Variants in CPPED1 observed in about 807,000 individuals in gnomAD.
The protein encoded by CPPED1 is calcineurin like phosphoesterase domain containing 1.
CPPED1 carries 28 observed loss-of-function variants against 28.0 expected under a neutral mutation model. That is an observed-to-expected ratio of 1.00 (90% CI 0.74 to 1.37). The LOEUF (loss-of-function observed/expected upper bound fraction) is 1.37, where lower values mean the gene tolerates loss of function less well. Ranked by LOEUF, CPPED1 falls within the 40% of genes most tolerant of loss-of-function variation. The pLI is 0.00. For synonymous variants in CPPED1, 198 were observed against 180.2 expected, an observed-to-expected ratio of 1.10 and a Z score of -0.79; for missense variants, 504 against 416.5, an observed-to-expected ratio of 1.21 and a Z score of -1.83.
At chr16:12,762,258 G>A (rs997270427) in intron 2 of CPPED1, among the ~76,000 whole-genome samples, 1 of 152,138 alleles carries the variant, frequency 6.6e-6, no homozygotes, top group African/African-American at 2.4e-5. Flanking sequence ...CGGGGGAAGA[G>A]GGTAACGCCA....
chr16:12,717,481 G>T (rs1298108374), intron 2 of CPPED1, among the ~76,000 whole-genome samples: 1 of 152,134 alleles, frequency 6.6e-6, no homozygotes, highest in South Asian at 2.1e-4. Context: ...AGCCAGGATG[G>T]TCTCAATCTC....
intron 1 of CPPED1, among the ~76,000 whole-genome samples, chr16:12,791,341 T>C (rs890408086): frequency 2.0e-5 from 3 of 152,150 alleles, no homozygotes; most frequent in Admixed American, 2.0e-4. Flanking sequence ...CTGTGTTAGT[T>C]TGCTGAGAAT....
chr16:12,696,323 G>C (rs1352268957), intron 3 of CPPED1, among the ~76,000 whole-genome samples: 6 of 152,136 alleles, frequency 3.9e-5, no homozygotes, highest in African/African-American at 1.4e-4. Context: ...TCTAGCTAAT[G>C]GATAAAGCAC....
intron 3 of CPPED1, among the ~76,000 whole-genome samples, chr16:12,699,399 A>G (rs6498354): frequency 0.82 from 124,646 of 151,892 alleles, 51,740 homozygotes; most frequent in African/African-American, 0.95. Flanking sequence ...GGAAACCTGC[A>G]CTTGGAGGCT....
chr16:12,799,601 T>C (rs1028676097), intron 1 of CPPED1, among the ~76,000 whole-genome samples: 1 of 152,230 alleles, frequency 6.6e-6, no homozygotes, highest in Non-Finnish European at 1.5e-5. Flanking sequence ...ATCTACTGGC[T>C]TCCCAAGGAG....
At chr16:12,791,175 C>T (rs188689710) in intron 1 of CPPED1, among the ~76,000 whole-genome samples, 4 of 152,024 alleles carry the variant, frequency 2.6e-5, no homozygotes, top group Admixed American at 6.6e-5. Context: ...TTTTAAGCCC[C>T]GCATGCATTA....
intron 3 of CPPED1, among the ~76,000 whole-genome samples, chr16:12,702,118 C>A (rs1056860216): frequency 9.9e-5 from 15 of 152,090 alleles, no homozygotes; most frequent in African/African-American, 3.6e-4. Flanking sequence ...AGACACAGAC[C>A]AGCTCTTGGT....
intron 2 of CPPED1, among the ~76,000 whole-genome samples, chr16:12,762,373 T>C (rs2080414781): frequency 6.6e-6 from 1 of 152,260 alleles, no homozygotes; most frequent in South Asian, 2.1e-4. Context: ...GGCAAGAATC[T>C]AATTTCCACT....
intron 1 of CPPED1, among the ~76,000 whole-genome samples, chr16:12,788,133 G>A (rs1358294170): frequency 6.6e-6 from 1 of 152,184 alleles, no homozygotes; most frequent in Non-Finnish European, 1.5e-5. Flanking sequence ...ACAAGGCAGA[G>A]GGTCTGCTAG....
At chr16:12,706,695 G>A (rs1257112198) in intron 2 of CPPED1, among the ~76,000 whole-genome samples, 3 of 152,112 alleles carry the variant, frequency 2.0e-5, no homozygotes, top group Admixed American at 2.0e-4. Flanking sequence ...ACTCAGACCA[G>A]CCATGAGGCC....
At chr16:12,765,604 T>C (rs1403002503) in intron 2 of CPPED1, among the ~76,000 whole-genome samples, 1 of 152,244 alleles carries the variant, frequency 6.6e-6, no homozygotes, top group East Asian at 1.9e-4. Flanking sequence ...AGAATATTTA[T>C]GGATGATGAC....
intron 2 of CPPED1, among the ~76,000 whole-genome samples, chr16:12,738,044 T>G (rs2080236119): frequency 6.6e-6 from 1 of 152,250 alleles, no homozygotes; most frequent in Admixed American, 6.5e-5. Context: ...GAGGGCCTGT[T>G]GGCAGATGCG....
chr16:12,731,937 T>C (rs2080199974), intron 2 of CPPED1, among the ~76,000 whole-genome samples: 1 of 150,634 alleles, frequency 6.6e-6, no homozygotes, highest in East Asian at 2.0e-4. Context: ...CCAAGGTGGG[T>C]GGATCACCTG....
chr16:12,757,681 C>T (rs774995880), intron 2 of CPPED1: 14 of 136,304 alleles, frequency 1.0e-4, no homozygotes, highest in African/African-American at 3.5e-4. Flanking sequence ...ACTTTGCATC[C>T]GCAACGGACT....
chr16:12,693,535 T>A (rs963426770), intron 3 of CPPED1, among the ~76,000 whole-genome samples: 5 of 152,168 alleles, frequency 3.3e-5, no homozygotes, highest in Non-Finnish European at 7.3e-5. Context: ...TCAATTCATA[T>A]GCAAACATTT....
chr16:12,669,283 T>C (rs2079841918), intron 3 of CPPED1, among the ~76,000 whole-genome samples: 1 of 152,038 alleles, frequency 6.6e-6, no homozygotes, highest in South Asian at 2.1e-4. Flanking sequence ...AATAGCTAAA[T>C]CCATAGAGAA....
chr16:12,688,286 G>A (rs2079943905), intron 3 of CPPED1, among the ~76,000 whole-genome samples: 1 of 148,466 alleles, frequency 6.7e-6, no homozygotes, highest in South Asian at 2.3e-4. Context: ...AGAAATTTAA[G>A]TAATAAGAAA....
At chr16:12,735,917 T>TATA (rs2080224457) in intron 2 of CPPED1, among the ~76,000 whole-genome samples, 1 of 152,172 alleles carries the variant, frequency 6.6e-6, no homozygotes, top group Non-Finnish European at 1.5e-5. Flanking sequence ...GAAAGTTATA[T>TATA]TTAAACTGCC....
intron 1 of CPPED1, among the ~76,000 whole-genome samples, chr16:12,801,268 T>C (rs2080657776): frequency 5.3e-5 from 8 of 152,112 alleles, no homozygotes; most frequent in Admixed American, 4.6e-4. Context: ...TAATTTTGTA[T>C]TTTTAGTACA....
Sources: gnomAD v4.1 joint callset for allele counts (sites outside exome capture counted in the v4.1 genomes callset) on GRCh38, gnomAD v4.1.1 for gene constraint, MANE v1.5 for transcripts, NCBI Gene and HGNC (gene_info 2026-07-23, HGNC 2026-07-21) for gene names.